NCKAP5: variants seen among roughly 807,000 people sequenced by gnomAD.
NCKAP5 encodes the protein NCK associated protein 5.
Under a neutral mutation model 167.0 loss-of-function variants are expected in NCKAP5, and 92 were observed. The observed-to-expected ratio is 0.55, with a 90% CI of 0.47 to 0.66. The LOEUF is 0.66. NCKAP5 is among the 30% of genes least tolerant of loss of function. The pLI is 0.00. For missense variants in NCKAP5, 2,378 were observed against 2,315.0 expected, an observed-to-expected ratio of 1.03 and a Z score of -0.56; for synonymous variants, 891 against 877.4, an observed-to-expected ratio of 1.02 and a Z score of -0.27.
chr2:133,084,854 G>A (rs991495811), intron 6 of NCKAP5, among the ~76,000 whole-genome samples: 1 of 152,098 alleles, frequency 6.6e-6, no homozygotes, highest in Non-Finnish European at 1.5e-5. Flanking sequence ...TTCATATAGA[G>A]AGACTTCATC....
At chr2:132,741,086 G>T (rs1338581501) in intron 16 of NCKAP5, among the ~76,000 whole-genome samples, 1 of 151,820 alleles carries the variant, frequency 6.6e-6, no homozygotes, top group Admixed American at 6.6e-5. Context: ...CTTTATAGAA[G>T]TCTTTCTTGA....
At chr2:133,296,614 T>C (rs1574631404) in intron 4 of NCKAP5, among the ~76,000 whole-genome samples, 3 of 152,376 alleles carry the variant, frequency 2.0e-5, no homozygotes, top group African/African-American at 7.2e-5. Flanking sequence ...TAAAAACATG[T>C]GTTTTATAAA....
At chr2:133,132,732 A>T (rs796833199) in intron 5 of NCKAP5, among the ~76,000 whole-genome samples, 27 of 147,392 alleles carry the variant, frequency 1.8e-4, no homozygotes, top group African/African-American at 5.1e-4. Context: ...ACTGGAGTGC[A>T]GTGGCGCGAT....
the NCKAP5 span, among the ~76,000 whole-genome samples, chr2:133,629,512 T>C: frequency 4.6e-5 from 7 of 152,112 alleles, no homozygotes; most frequent in African/African-American, 1.7e-4. Flanking sequence ...GAAATAGGAA[T>C]GCTTTTACAC....
chr2:133,556,272 G>A (rs1190801594), intron 2 of NCKAP5, among the ~76,000 whole-genome samples: 1 of 152,160 alleles, frequency 6.6e-6, no homozygotes, highest in Non-Finnish European at 1.5e-5. Flanking sequence ...AATAAAAAAG[G>A]TTAAACATTT....
chr2:133,317,365 G>A (rs1370800214), intron 3 of NCKAP5, among the ~76,000 whole-genome samples: 1 of 152,096 alleles, frequency 6.6e-6, no homozygotes, highest in Non-Finnish European at 1.5e-5. Flanking sequence ...TTTAAGTATG[G>A]TATTCCATGG....
chr2:132,901,506 T>C (rs1693627937), intron 8 of NCKAP5, among the ~76,000 whole-genome samples: 1 of 152,330 alleles, frequency 6.6e-6, no homozygotes, highest in Admixed American at 6.5e-5. Context: ...TGGTCCCACA[T>C]TTGGATGCTA....
At chr2:133,073,071 T>G (rs1218381346) in intron 6 of NCKAP5, among the ~76,000 whole-genome samples, 1 of 152,166 alleles carries the variant, frequency 6.6e-6, no homozygotes, top group Admixed American at 6.5e-5. Flanking sequence ...AAAGCAGTCA[T>G]TTTTGTGCTT....
chr2:133,096,444 T>C (rs1316299800), intron 6 of NCKAP5, among the ~76,000 whole-genome samples: 1 of 151,894 alleles, frequency 6.6e-6, no homozygotes, highest in Non-Finnish European at 1.5e-5. Context: ...GCCAAGATTG[T>C]GGCCCTGGAC....
Position 133,487,469 on chromosome 2 carries a change from G to A in NCKAP5, c.69+29989C>T, listed in dbSNP as rs532406616. ...TGTTTTCTAGAGCATACCCCTTACC[G>A]TCTCCAGGCCACTACCATAGAATGG... On this transcript the variant is annotated intron_variant, in intron 3 of 19. Transcript: ENST00000409261. Among the ~76,000 whole-genome samples the A allele has an allele frequency of 2.7e-3, 416 of 152,224 alleles. 3 individuals are homozygous for A. Among genetic ancestry groups the A allele is most frequent in the African/African-American group, 9.8e-3 (409 of 41,540 alleles).
At chr2:133,641,536 A>G in the NCKAP5 span, among the ~76,000 whole-genome samples, 2 of 152,184 alleles carry the variant, frequency 1.3e-5, no homozygotes, top group Admixed American at 6.5e-5. Context: ...GGCACCAACT[A>G]TCCTGTCCAT....
chr2:133,288,972 C>T (rs1445351600), intron 4 of NCKAP5, among the ~76,000 whole-genome samples: 1 of 152,178 alleles, frequency 6.6e-6, no homozygotes, highest in Non-Finnish European at 1.5e-5. Context: ...AAACCATTCT[C>T]ATTACCAATG....
intron 2 of NCKAP5, among the ~76,000 whole-genome samples, chr2:133,537,547 T>C (rs1685858841): frequency 1.3e-5 from 2 of 152,184 alleles, no homozygotes; most frequent in African/African-American, 4.8e-5. Context: ...GTTTTATTCT[T>C]TTTGTTCTAT....
intron 16 of NCKAP5, among the ~76,000 whole-genome samples, chr2:132,758,620 C>A (rs912066144): frequency 1.3e-5 from 2 of 152,120 alleles, no homozygotes; most frequent in African/African-American, 4.8e-5. Context: ...AGAATGATAA[C>A]CTGAAACTTT....
chr2:133,508,885 A>C (rs368818602), intron 3 of NCKAP5, among the ~76,000 whole-genome samples: 2 of 152,368 alleles, frequency 1.3e-5, no homozygotes, highest in East Asian at 3.9e-4. Flanking sequence ...CTATAGAAGC[A>C]GTCTCATTTC....
intron 19 of NCKAP5, among the ~76,000 whole-genome samples, chr2:132,673,539 C>A (rs914711391): frequency 2.6e-5 from 4 of 151,844 alleles, no homozygotes; most frequent in Non-Finnish European, 5.9e-5. Flanking sequence ...AAATTAAGTG[C>A]CACTTAATTT....
intron 7 of NCKAP5, among the ~76,000 whole-genome samples, chr2:132,970,738 C>T (rs1346255482): frequency 6.6e-6 from 1 of 152,146 alleles, no homozygotes; most frequent in Admixed American, 6.5e-5. Context: ...TGTTCTCAAG[C>T]AGTCAACATC....
Position 133,397,289 on chromosome 2 carries a change from C to T in NCKAP5, c.70-94179G>A, listed in dbSNP as rs149793167. Among the ~76,000 whole-genome samples, 119 of 152,302 alleles carry T rather than the reference C, an allele frequency of 7.8e-4. 1 individual carries two copies. The highest frequency in any genetic ancestry group is 2.8e-3 in the African/African-American group (117 of 41,566). On this transcript the variant is annotated intron_variant, in intron 3 of 19. Transcript: ENST00000409261. ...CAATCTAAATCAATCTTTCTTATGG[C>T]CTCTTTTCATGTTTGAATTCATCTG...
At chr2:133,501,808 C>G (rs959230269) in intron 3 of NCKAP5, among the ~76,000 whole-genome samples, 3 of 152,200 alleles carry the variant, frequency 2.0e-5, no homozygotes, top group Non-Finnish European at 4.4e-5. Flanking sequence ...GAATCTCATT[C>G]AAGTGAGAAA....
Sources: gnomAD v4.1 joint callset for allele counts (sites outside exome capture counted in the v4.1 genomes callset) on GRCh38, gnomAD v4.1.1 for gene constraint, MANE v1.5 for transcripts, NCBI Gene and HGNC (gene_info 2026-07-23, HGNC 2026-07-21) for gene names.